BCAR3: variants seen among roughly 807,000 people sequenced by gnomAD.
BCAR3 encodes breast cancer anti-estrogen resistance protein 3.
A neutral mutation model predicts 80.1 loss-of-function variants in BCAR3; 37 were observed. That is an observed-to-expected ratio of 0.46 (90% CI 0.36 to 0.61). BCAR3 has a LOEUF of 0.61. BCAR3 is among the 20% of genes least tolerant of loss of function. BCAR3 has a pLI of 0.00. For synonymous variants in BCAR3, 389 were observed against 418.9 expected (o/e 0.93, Z 0.87); for missense variants, 978 against 1,068.2 (o/e 0.92, Z 1.18).
At position 93,576,087 on chromosome 1, in the gene BCAR3, T is replaced by C. The variant is rs779976382; in HGVS notation, c.1729A>G (p.Met577Val). ...LGVSEEMRRNMGVSSGLELIT... is the reference protein window; with the variant it reads ...LGVSEEMRRNVGVSSGLELIT... ...AGTTCCAGGCCTGAGCTCACCCCCATGTTCCTCCTCATCTCTTCAGAGACT... is the reference window on the plus strand; with the variant it reads ...AGTTCCAGGCCTGAGCTCACCCCCACGTTCCTCCTCATCTCTTCAGAGACT... Residue 577 changes from methionine (M) to valine (V), a missense_variant, in exon 8 of 12, where the codon ATG (methionine) becomes GTG (valine). Transcript: ENST00000260502. 8 of 1,614,044 alleles carry C rather than the reference T, an allele frequency of 5.0e-6. No individual in the cohort carries two copies. Among genetic ancestry groups the C allele is most frequent in the South Asian group, 3.3e-5 (3 of 91,094 alleles).
chr1:93,816,670 CAAAAAAAAAAAAA>C (rs60051218), intron 2 of BCAR3, among the ~76,000 whole-genome samples: 4 of 53,874 alleles, frequency 7.4e-5, no homozygotes, highest in African/African-American at 1.3e-4. Flanking sequence ...GACTCCATCT[CAAAAAAAAAAAAA>C]AAAAAAAAAA....
intron 2 of BCAR3, among the ~76,000 whole-genome samples, chr1:93,841,081 C>G (rs1346522799): frequency 6.6e-6 from 1 of 152,118 alleles, no homozygotes; most frequent in Non-Finnish European, 1.5e-5. Context: ...CCCTCCCCAC[C>G]ACCAGCAGAC....
intron 3 of BCAR3, chr1:93,613,871 G>A: frequency 6.4e-7 from 1 of 1,550,536 alleles, no homozygotes; most frequent in East Asian, 2.4e-5. Flanking sequence ...AAGACTTGCG[G>A]TGATAGAAGC....
chr1:93,835,336 C>T (rs1571160517), intron 2 of BCAR3, among the ~76,000 whole-genome samples: 2 of 152,196 alleles, frequency 1.3e-5, no homozygotes, highest in East Asian at 1.9e-4. Context: ...CAGATCCCAT[C>T]GCTCAGGGCA....
At chr1:93,838,075 G>T (rs12142097) in intron 2 of BCAR3, among the ~76,000 whole-genome samples, 1 of 152,110 alleles carries the variant, frequency 6.6e-6, no homozygotes, top group African/African-American at 2.4e-5. Context: ...CAGAGAAATG[G>T]GGGAAGGGAT....
intron 2 of BCAR3, among the ~76,000 whole-genome samples, chr1:93,798,668 T>A (rs1258454015): frequency 6.6e-6 from 1 of 152,216 alleles, no homozygotes; most frequent in East Asian, 1.9e-4. Context: ...GTGCTGACTT[T>A]ACTTTAGGCA....
At chr1:93,683,348 C>T (rs535798136), upstream of BCAR3, among the ~76,000 whole-genome samples, 3 of 152,274 alleles carry the variant, frequency 2.0e-5, no homozygotes, top group South Asian at 4.2e-4. Flanking sequence ...GACCATACTG[C>T]TCGTCAAAAT....
chr1:93,773,322 G>GA (rs201148190), intron 2 of BCAR3, among the ~76,000 whole-genome samples: 17 of 151,274 alleles, frequency 1.1e-4, no homozygotes, highest in East Asian at 7.8e-4. Flanking sequence ...TTTCATAGGT[G>GA]AAAAAAAAAT....
chr1:93,637,344 G>A (rs531499860), intron 3 of BCAR3, among the ~76,000 whole-genome samples: 3 of 152,006 alleles, frequency 2.0e-5, no homozygotes, highest in South Asian at 2.1e-4. Flanking sequence ...TAGTAGAGTC[G>A]GGGCTTCACC....
chr1:93,819,481 C>T (rs376405967), intron 2 of BCAR3, among the ~76,000 whole-genome samples: 8 of 152,226 alleles, frequency 5.3e-5, no homozygotes, highest in Admixed American at 5.2e-4. Context: ...TACCAAAATA[C>T]ATGCGCTTTA....
chr1:93,811,147 G>C (rs1222110053), intron 2 of BCAR3, among the ~76,000 whole-genome samples: 3 of 152,180 alleles, frequency 2.0e-5, no homozygotes, highest in African/African-American at 7.2e-5. Flanking sequence ...AGCTGATGGG[G>C]ACACAATCAG....
intron 2 of BCAR3, among the ~76,000 whole-genome samples, chr1:93,835,895 G>C (rs1294105725): frequency 1.3e-5 from 2 of 152,156 alleles, no homozygotes; most frequent in African/African-American, 4.8e-5. Flanking sequence ...CTTCCCTTCT[G>C]TCAGACATAA....
At chr1:93,618,941 T>G (rs1305216646) in intron 3 of BCAR3, among the ~76,000 whole-genome samples, 1 of 148,922 alleles carries the variant, frequency 6.7e-6, no homozygotes, top group Non-Finnish European at 1.5e-5. Flanking sequence ...TTTTTTTTGT[T>G]TTTTTTTTTT....
intron 5 of BCAR3, among the ~76,000 whole-genome samples, chr1:93,585,677 A>G (rs1220474201): frequency 1.3e-5 from 2 of 152,156 alleles, no homozygotes; most frequent in Non-Finnish European, 2.9e-5. Flanking sequence ...GTCCAATCCT[A>G]TTACTATGAA....
intron 2 of BCAR3, among the ~76,000 whole-genome samples, chr1:93,652,623 T>C (rs1408563267): frequency 1.3e-5 from 2 of 152,176 alleles, no homozygotes; most frequent in African/African-American, 4.8e-5. Context: ...AACTTGGCGA[T>C]ATAAATGAAA....
In BCAR3 at chr1:93,582,846, T is replaced by A; in HGVS notation, c.1141A>T (p.Arg381Trp). The A allele has an allele frequency of 6.2e-7, 1 of 1,613,164 alleles. No individual in the cohort carries two copies. Among genetic ancestry groups the A allele is most frequent in the Non-Finnish European group, 8.5e-7 (1 of 1,179,916 alleles). The change falls in exon 7 of 12, where the codon AGG (arginine) becomes TGG (tryptophan). Residue 381 changes from arginine to tryptophan, a missense_variant. Transcript: ENST00000260502. ...CCAGCCCTGGCGTCTGAGGAGACCC[T>A]CCGAACCACTGCTGGGCTCAGGGCA... ...EPALSPAVVRRVSSDARAGEA... is the reference protein window; with the variant it reads ...EPALSPAVVRWVSSDARAGEA...
At position 93,589,179 on chromosome 1, in the gene BCAR3, G is replaced by T. The variant is rs778087104; in HGVS notation, c.727C>A (p.Gln243Lys). The change falls in exon 5 of 12, where the codon CAG (glutamine) becomes AAG (lysine). Residue 243 changes from glutamine (Q) to lysine (K), a missense_variant. Physicochemically the swap from Gln to Lys is moderately conservative, Grantham distance 53. Transcript: ENST00000260502. Reference sequence around the variant, plus strand: ...TGGAAGATGATGGCGCCACTCTGCTGGGAGATGGGCCGGCGGTTGCCCACG... The same window carrying T: ...TGGAAGATGATGGCGCCACTCTGCTTGGAGATGGGCCGGCGGTTGCCCACG... ...CYVGNRRPIS[Q>K]QSGAIIFQPI... 16 of 1,613,894 alleles carry T rather than the reference G, an allele frequency of 9.9e-6. 1 individual carries two copies. The South Asian group carries it at 1.4e-4, about 14-fold the overall frequency.
chr1:93,674,791 A>G lies in BCAR3; in HGVS notation c.140T>C (p.Ile47Thr). Residue 47 changes from isoleucine to threonine, a missense_variant, in exon 2 of 12, where the codon ATA (isoleucine) becomes ACA (threonine). Ile to Thr is a moderately conservative substitution (Grantham distance 89). Coordinates refer to ENST00000260502, the MANE Select transcript of BCAR3 (RefSeq NM_003567.4). The part of the protein sequence containing the change: ...HRPDAYQDVS[I>T]HGTLPRKKKG... ...TTTCTTCCGTGGAAGGGTGCCATGT[A>G]TAGACACATCTTGATAGGCATCTGG... is the stretch of plus-strand genomic sequence containing the variant. 6.2e-7 allele frequency: 1 copy of G among 1,611,694 alleles called. No homozygotes were observed. The highest frequency in any genetic ancestry group is 1.1e-5 in the South Asian group (1 of 90,530).
chr1:93,669,565 C>T (rs1435799912), intron 2 of BCAR3, among the ~76,000 whole-genome samples: 1 of 152,184 alleles, frequency 6.6e-6, no homozygotes, highest in Non-Finnish European at 1.5e-5. Flanking sequence ...TCCCACAGCA[C>T]AAGAGGCCGA....
Sources: gnomAD v4.1 joint callset for allele counts (sites outside exome capture counted in the v4.1 genomes callset) on GRCh38, gnomAD v4.1.1 for gene constraint, MANE v1.5 for transcripts, NCBI Gene and HGNC (gene_info 2026-07-23, HGNC 2026-07-21) for gene names.